The following PRKCH variants were observed in gnomAD, a reference collection of about 807,000 sequenced individuals.
PRKCH encodes the protein protein kinase C eta type.
Under a neutral mutation model 82.5 loss-of-function variants are expected in PRKCH, and 28 were observed. That is an observed-to-expected ratio of 0.34 (90% CI 0.25 to 0.47). PRKCH has a LOEUF of 0.47. PRKCH is among the 20% of genes least tolerant of loss of function. PRKCH has a pLI of 1.00. For synonymous variants in PRKCH, 322 were observed against 327.4 expected, an observed-to-expected ratio of 0.98 and a Z score of 0.18; for missense variants, 705 against 881.8, an observed-to-expected ratio of 0.80 and a Z score of 2.54.
At chr14:61,341,471 A>C (rs1373218020) in intron 1 of PRKCH, among the ~76,000 whole-genome samples, 2 of 152,230 alleles carry the variant, frequency 1.3e-5, no homozygotes, top group East Asian at 1.9e-4. Flanking sequence ...ACATGTCAGC[A>C]CAGTTCACAG....
At chr14:61,287,847 G>C (rs2045328610) in intron 1 of PRKCH, among the ~76,000 whole-genome samples, 1 of 152,164 alleles carries the variant, frequency 6.6e-6, no homozygotes, top group African/African-American at 2.4e-5. Flanking sequence ...TTTGAGGCTA[G>C]AAGTCACCTC....
chr14:61,526,925 A>G (rs2042972786), intron 10 of PRKCH, among the ~76,000 whole-genome samples: 1 of 152,216 alleles, frequency 6.6e-6, no homozygotes, highest in South Asian at 2.1e-4. Context: ...GCCTCTGAGC[A>G]TATTGTTCCT....
At chr14:61,247,848 A>C (rs1457743292) in intron 1 of PRKCH, among the ~76,000 whole-genome samples, 1 of 152,130 alleles carries the variant, frequency 6.6e-6, no homozygotes, top group Non-Finnish European at 1.5e-5. Context: ...AGACGAGGTA[A>C]AGTTACACAG....
chr14:61,365,219 T>C (rs563998595), intron 1 of PRKCH, among the ~76,000 whole-genome samples: 1 of 152,260 alleles, frequency 6.6e-6, no homozygotes, highest in African/African-American at 2.4e-5. Context: ...CCTAAATGTT[T>C]TGAGCCATAT....
intron 9 of PRKCH, among the ~76,000 whole-genome samples, chr14:61,463,774 T>C (rs1438021555): frequency 1.3e-5 from 2 of 152,244 alleles, no homozygotes; most frequent in African/African-American, 4.8e-5. Flanking sequence ...ATTCTGTTTC[T>C]ATGAGTTTGG....
intron 10 of PRKCH, among the ~76,000 whole-genome samples, chr14:61,518,442 AAAAAAG>A (rs58836273): frequency 4.4e-4 from 67 of 152,094 alleles, no homozygotes; most frequent in African/African-American, 1.6e-3. Flanking sequence ...ATGCAAAAAA[AAAAAAG>A]AAAAAGAAAA....
At chr14:61,372,955 G>T (rs924031528) in intron 1 of PRKCH, among the ~76,000 whole-genome samples, 1 of 152,006 alleles carries the variant, frequency 6.6e-6, no homozygotes, top group Admixed American at 6.5e-5. Flanking sequence ...TAACAGTCCT[G>T]CTGAGAGAGT....
At chr14:61,215,959 G>A (rs900629305) in intron 1 of PRKCH, among the ~76,000 whole-genome samples, 32 of 152,288 alleles carry the variant, frequency 2.1e-4, no homozygotes, top group Middle Eastern at 3.4e-3. Context: ...GCATCCAGGA[G>A]AACAACAAGG....
chr14:61,315,677 C>G (rs1054128290), intron 1 of PRKCH, among the ~76,000 whole-genome samples: 1 of 151,710 alleles, frequency 6.6e-6, no homozygotes, highest in Non-Finnish European at 1.5e-5. Context: ...TTTTCTTTAT[C>G]CTTTTGTATA....
intron 1 of PRKCH, among the ~76,000 whole-genome samples, chr14:61,264,935 G>C (rs1197791686): frequency 6.6e-6 from 1 of 152,172 alleles, no homozygotes; most frequent in African/African-American, 2.4e-5. Flanking sequence ...ATGGGGAATG[G>C]TGTGTTGGGC....
rs2043310615 is a variant in PRKCH, at chr14:61,550,379, C to T, written c.*548C>T. ...CAATGGTATCTCTGAAACTCACAAC[C>T]TAAAGCCCAATCTTGAAAATATGTT... On this transcript the variant is annotated 3_prime_UTR_variant, in exon 14 of 14. Transcript: ENST00000332981. 1.3e-5 allele frequency: 2 copies of T among 152,334 alleles called. No homozygotes were observed. The highest frequency in any genetic ancestry group is 4.1e-4 in the South Asian group (2 of 4,824). 9.4% of individuals were successfully genotyped at this position (152,334 alleles called of 1,614,324 possible).
chr14:61,198,635 A>G (rs1798686409), intron 1 of PRKCH, among the ~76,000 whole-genome samples: 1 of 152,230 alleles, frequency 6.6e-6, no homozygotes, highest in Admixed American at 6.5e-5. Context: ...GAAACATAGT[A>G]GATGTTCAAC....
chr14:61,440,315 T>G (rs1411977995), intron 2 of PRKCH, among the ~76,000 whole-genome samples: 1 of 152,232 alleles, frequency 6.6e-6, no homozygotes, highest in Non-Finnish European at 1.5e-5. Flanking sequence ...TATGACACTG[T>G]TCCCACAGGG....
intron 1 of PRKCH, among the ~76,000 whole-genome samples, chr14:61,340,393 G>T (rs2045916980): frequency 6.9e-6 from 1 of 145,078 alleles, no homozygotes; most frequent in Non-Finnish European, 1.5e-5. Context: ...TGGGGGGCGG[G>T]GGTGGGTGGG....
intron 1 of PRKCH, among the ~76,000 whole-genome samples, chr14:61,188,430 G>A (rs1336211262): frequency 2.0e-5 from 3 of 152,000 alleles, no homozygotes; most frequent in Non-Finnish European, 2.9e-5. Flanking sequence ...CTCTGGCTCC[G>A]GCTCCGGCTC....
chr14:61,268,879 A>G lies in PRKCH; in HGVS notation c.-19+81211A>G, dbSNP rs77804664. ...CTTTCTGCTCCAGAAAGAAGTGACT[A>G]TTGTAAGTGTATCAGTCAGTCCATT... On this transcript the variant is annotated intron_variant, in intron 1 of 3. Transcript: ENST00000555185. Among the ~76,000 whole-genome samples the G allele has an allele frequency of 7.4e-3, 1,122 of 152,312 alleles. 42 individuals are homozygous for G. The East Asian group carries it at 0.11, about 14-fold the overall frequency.
intron 2 of PRKCH, among the ~76,000 whole-genome samples, chr14:61,426,312 G>A (rs1594692634): frequency 1.3e-5 from 2 of 152,100 alleles, no homozygotes; most frequent in African/African-American, 4.8e-5. Flanking sequence ...TCCCTGTTGT[G>A]CAATGTGTTT....
intron 2 of PRKCH, among the ~76,000 whole-genome samples, chr14:61,417,103 C>A (rs919257371): frequency 1.3e-5 from 2 of 152,162 alleles, no homozygotes; most frequent in Non-Finnish European, 2.9e-5. Context: ...TCTCTCCATC[C>A]CTTTTTCAGT....
rs1566804475 is a variant in PRKCH, at chr14:61,280,098, C to T, written c.-19+92430C>T. On this transcript the variant is annotated intron_variant, in intron 1 of 3. Transcript: ENST00000555185. The surrounding 1 kb of genome is among the most constrained non-coding windows in gnomAD (Gnocchi z 5.0). ...GATCCCTGGAAAGCCGGAATCACTC[C>T]TCGTCGTCGTCGTCCTGGTCCTGGT... The T allele has an allele frequency of 6.2e-7, 1 of 1,607,800 alleles. No homozygotes were observed. The highest frequency in any genetic ancestry group is 8.5e-7 in the Non-Finnish European group (1 of 1,176,912).
Sources: allele counts gnomAD v4.1 joint callset (sites outside exome capture counted in the v4.1 genomes callset), GRCh38; gene constraint gnomAD v4.1.1; non-coding constraint Gnocchi (gnomAD v3.1); transcripts MANE v1.5; gene names NCBI Gene and HGNC (gene_info 2026-07-23, HGNC 2026-07-21).